PUDP: variants seen among roughly 807,000 people sequenced by gnomAD.
The protein encoded by PUDP is pseudouridine 5'-phosphatase.
In PUDP, 8 loss-of-function variants were observed where a neutral mutation model predicts 9.4. That is an observed-to-expected ratio of 0.85 (90% CI 0.50 to 1.53). The LOEUF is 1.53. Among genes scored for constraint, PUDP ranks in the 40% most tolerant of loss-of-function variants. PUDP has a pLI of 0.00. For missense variants in PUDP, 188 were observed against 189.7 expected, an observed-to-expected ratio of 0.99 and a Z score of 0.05; for synonymous variants, 99 against 80.7, an observed-to-expected ratio of 1.23 and a Z score of -1.22.
chrX:6,793,234 C>A (rs1925781436), intron 3 of PUDP, among the ~76,000 whole-genome samples: 2 of 111,876 alleles, frequency 1.8e-5, no homozygotes, highest in South Asian at 7.5e-4. Flanking sequence ...ACAAAAATCG[C>A]AATTGCTTTT....
intron 1 of PUDP, among the ~76,000 whole-genome samples, chrX:6,999,890 A>T (rs1469946392): frequency 9.0e-6 from 1 of 111,115 alleles, no homozygotes; most frequent in African/African-American, 3.3e-5. Flanking sequence ...AATAGTATTA[A>T]ATATTTTTTA....
rs187789887 is a variant in PUDP at position 6,856,904 on chromosome X, A to G, written c.*247+120229T>C. On this transcript the variant is annotated intron_variant and NMD_transcript_variant, in intron 3 of 3. Coordinates refer to the PUDP transcript ENST00000655425. The stretch of plus-strand genomic sequence containing the variant: ...ACTTAAGTAAGCCAATTAAGAAGAC[A>G]GATGTTTTAGCATCCATACGTATAT... 4.1e-3 allele frequency among the ~76,000 whole-genome samples: 458 copies of G among 112,422 alleles called. 4 individuals carry two copies. The highest frequency in any genetic ancestry group is 0.014 in the African/African-American group (430 of 30,985).
At chrX:6,737,166 TG>T (rs1924882243) in intron 3 of PUDP, among the ~76,000 whole-genome samples, 1 of 111,103 alleles carries the variant, frequency 9.0e-6, no homozygotes. Flanking sequence ...CACCAAAAGC[TG>T]CACGAGATAA....
At chrX:7,015,139 G>A (rs1375522713) in intron 1 of PUDP, among the ~76,000 whole-genome samples, 1 of 111,799 alleles carries the variant, frequency 8.9e-6, no homozygotes, top group Admixed American at 9.5e-5. Flanking sequence ...AAGGTTTGCT[G>A]ATAACCAACT....
rs1286543176 is a variant in PUDP, at chrX:6,817,423, G to A, written c.*248-110957C>T. Among the ~76,000 whole-genome samples the A allele has an allele frequency of 2.7e-5, 3 of 111,503 alleles. No homozygotes were observed. In the East Asian group the frequency reaches 8.4e-4, roughly 31 times the overall value. Reference sequence around the variant, plus strand: ...AGCTACCTTGTTGTATTAATTATCTGTCACTATCTAACCAATTATCAAACT... The same window carrying A: ...AGCTACCTTGTTGTATTAATTATCTATCACTATCTAACCAATTATCAAACT... On this transcript the variant is annotated intron_variant and NMD_transcript_variant, in intron 3 of 3. Coordinates refer to the PUDP transcript ENST00000655425.
intron 3 of PUDP, among the ~76,000 whole-genome samples, chrX:7,072,536 C>A (rs760051684): frequency 9.0e-6 from 1 of 111,564 alleles, no homozygotes; most frequent in Non-Finnish European, 1.9e-5. Context: ...GATTTCCAGC[C>A]GGAACAGTGG....
intron 3 of PUDP, among the ~76,000 whole-genome samples, chrX:6,872,654 G>A (rs776874795): frequency 2.2e-3 from 224 of 100,846 alleles, no homozygotes; most frequent in Admixed American, 3.7e-3. Flanking sequence ...AGCTGAGATT[G>A]CACCACTGCA....
At chrX:7,048,329 A>G (rs977647125), downstream of PUDP, among the ~76,000 whole-genome samples, 2 of 112,480 alleles carry the variant, frequency 1.8e-5, no homozygotes, top group African/African-American at 6.4e-5. Context: ...CTATGAAAGT[A>G]TAATTACTCT....
chrX:6,803,277 T>C (rs1925995423), intron 3 of PUDP, among the ~76,000 whole-genome samples: 1 of 110,282 alleles, frequency 9.1e-6, no homozygotes, highest in African/African-American at 3.3e-5. Flanking sequence ...TAACCATAAG[T>C]ATCACACGGC....
chrX:6,987,901 T>C (rs749704197), intron 1 of PUDP, among the ~76,000 whole-genome samples: 8 of 112,231 alleles, frequency 7.1e-5, no homozygotes, highest in Non-Finnish European at 1.3e-4. Flanking sequence ...ATATGTGATT[T>C]CATTTAATCT....
At chrX:6,838,368 T>A (rs1788142260) in intron 3 of PUDP, among the ~76,000 whole-genome samples, 1 of 112,503 alleles carries the variant, frequency 8.9e-6, no homozygotes, top group South Asian at 3.7e-4. Flanking sequence ...ATCTGTCTCT[T>A]AGAATTAAAA....
In PUDP at chrX:6,897,312, T is replaced by TTG. The variant is rs755759108; in HGVS notation, c.*247+79819_*247+79820dup. On this transcript the variant is annotated intron_variant and NMD_transcript_variant, in intron 3 of 3. Transcript: ENST00000655425. ...TATGATTCTTAAAATTATAATATACTTGTGTGTGTGTGTGCACTGCCAGAT... is the reference window on the plus strand; with the variant it reads ...TATGATTCTTAAAATTATAATATACTTGTGTGTGTGTGTGTGCACTGCCAGAT... Among the ~76,000 whole-genome samples the TTG allele has an allele frequency of 7.2e-5, 8 of 111,754 alleles. No homozygotes were observed. In the East Asian group the frequency reaches 2.0e-3, roughly 28 times the overall value.
chrX:6,809,363 T>C (rs1391300044), intron 3 of PUDP, among the ~76,000 whole-genome samples: 1 of 109,853 alleles, frequency 9.1e-6, no homozygotes, highest in East Asian at 2.9e-4. Context: ...AGTGGCGCGA[T>C]CATAGCTCAC....
chrX:6,725,095 T>G (rs1258287564), upstream of PUDP, among the ~76,000 whole-genome samples: 1 of 111,606 alleles, frequency 9.0e-6, no homozygotes, highest in South Asian at 3.8e-4. Flanking sequence ...TGGCCATGGA[T>G]GGTGATAGAA....
intron 1 of PUDP, among the ~76,000 whole-genome samples, chrX:6,709,594 G>A (rs1399115800): frequency 2.7e-5 from 3 of 111,990 alleles, no homozygotes; most frequent in African/African-American, 9.7e-5. Context: ...ACATTGGTGA[G>A]AAGTCTCAGC....
chrX:6,912,302 C>CT (rs769255198), intron 3 of PUDP, among the ~76,000 whole-genome samples: 30 of 111,787 alleles, frequency 2.7e-4, no homozygotes, highest in African/African-American at 8.1e-4. Flanking sequence ...TACACCTGTT[C>CT]TTTTTTTGCT....
chrX:6,766,465 G>A (rs957901064), intron 3 of PUDP, among the ~76,000 whole-genome samples: 1 of 111,685 alleles, frequency 9.0e-6, no homozygotes, highest in East Asian at 2.8e-4. Context: ...GGAAGGTAAA[G>A]GGAAGTGATG....
At chrX:6,993,773 C>T (rs1929216259) in intron 1 of PUDP, among the ~76,000 whole-genome samples, 1 of 112,077 alleles carries the variant, frequency 8.9e-6, no homozygotes, top group Non-Finnish European at 1.9e-5. Flanking sequence ...AGGACTACCA[C>T]ATTTTTGTAT....
chrX:7,118,569 T>C (rs1172194626), intron 1 of PUDP, among the ~76,000 whole-genome samples: 5 of 112,089 alleles, frequency 4.5e-5, no homozygotes, highest in African/African-American at 1.6e-4. Context: ...ATTTACACTG[T>C]GGAAACTGAA....
Sources: allele counts gnomAD v4.1 joint callset (sites outside exome capture counted in the v4.1 genomes callset), GRCh38; gene constraint gnomAD v4.1.1; transcripts MANE v1.5; gene names NCBI Gene and HGNC (gene_info 2026-07-23, HGNC 2026-07-21).